PRND: variants seen among roughly 807,000 people sequenced by gnomAD.
PRND encodes the protein prion like protein doppel.
For missense variants in PRND, 227 were observed against 223.3 expected, an observed-to-expected ratio of 1.02 and a Z score of -0.11; for synonymous variants, 94 against 93.2, an observed-to-expected ratio of 1.01 and a Z score of -0.05.
rs907105746 is a variant in PRND, at chr20:4,724,271, C to T, written c.-11-270C>T. Among the ~76,000 whole-genome samples, 1 of 152,070 alleles carries T rather than the reference C, an allele frequency of 6.6e-6. No individual in the cohort carries two copies. Among genetic ancestry groups the T allele is most frequent in the African/African-American group, 2.4e-5 (1 of 41,402 alleles). The stretch of plus-strand genomic sequence containing the variant: ...ACTCCTTTATTTTCCCATGCGTATT[C>T]AAAGCCACTATAATTGCCCTTTGCC... On this transcript the variant is annotated intron_variant, in intron 1 of 1. Coordinates refer to ENST00000305817, the MANE Select transcript of PRND (RefSeq NM_012409.4). This position sits in a 1 kb window ranked among gnomAD's most constrained non-coding sequence, Gnocchi z 4.8.
Position 4,726,136 on chromosome 20 carries a change from A to ATTTTTTTTTTTTTT in PRND, c.*1059_*1072dup, listed in dbSNP as rs58804370. 2 of 120,448 alleles carry ATTTTTTTTTTTTTT rather than the reference A, an allele frequency of 1.7e-5. No individual in the cohort carries two copies. Among genetic ancestry groups the ATTTTTTTTTTTTTT allele is most frequent in the African/African-American group, 6.8e-5 (2 of 29,506 alleles). 7.5% of individuals were successfully genotyped at this position (120,448 alleles called of 1,614,324 possible). ...GGGCCTCCCATAGTGCTGGGATTCA[A>ATTTTTTTTTTTTTT]TTTTTTTTTTTTTTTTTTCAAAAGA... On this transcript the variant is annotated 3_prime_UTR_variant, in exon 2 of 2. Transcript: ENST00000305817.
intron 1 of PRND, among the ~76,000 whole-genome samples, chr20:4,723,129 T>C (rs1490520385): frequency 1.3e-5 from 2 of 152,164 alleles, no homozygotes; most frequent in Non-Finnish European, 2.9e-5. Flanking sequence ...GCACAGTGTG[T>C]GAGCACTGTC....
chr20:4,724,924 A>G lies in PRND; in HGVS notation c.373A>G (p.Asn125Asp). ...CCAGGGGGAGTTCCAGAAGCCAGAC[A>G]ACAAGCTCCACCAGCAGGTGCTCTG... The part of the protein sequence containing the change: ...ANQGEFQKPD[N>D]KLHQQVLWRL... Residue 125 changes from asparagine (N) to aspartate (D), a missense_variant, in exon 2 of 2, where the codon AAC becomes GAC. Asn to Asp is a conservative substitution (Grantham distance 23, BLOSUM62 1). Transcript: ENST00000305817. This position sits in a 1 kb window ranked among gnomAD's most constrained non-coding sequence, Gnocchi z 4.8. The G allele has an allele frequency of 6.2e-7, 1 of 1,614,166 alleles. No individual in the cohort carries two copies. The highest frequency in any genetic ancestry group is 1.7e-5 in the Admixed American group (1 of 60,026).
Position 4,724,733 on chromosome 20 carries a change from A to G in PRND, c.182A>G (p.Lys61Arg), listed in dbSNP as rs1459462505. 6.2e-7 allele frequency: 1 copy of G among 1,614,218 alleles called. No homozygotes were observed. The highest frequency in any genetic ancestry group is 1.3e-5 in the African/African-American group (1 of 75,056). The change falls in exon 2 of 2, where the codon AAG becomes AGG. Residue 61 changes from lysine to arginine, a missense_variant. Coordinates refer to ENST00000305817, the MANE Select transcript of PRND (RefSeq NM_012409.4). This position sits in a 1 kb window ranked among gnomAD's most constrained non-coding sequence, Gnocchi z 4.8. ...VAENRPGAFI[K>R]QGRKLDIDFG... ...GAGAACCGCCCGGGAGCCTTCATCA[A>G]GCAAGGCCGCAAGCTCGACATTGAC... is the stretch of plus-strand genomic sequence containing the variant.
rs1395956955 is a variant in PRND, at chr20:4,722,722, T to C, written c.-12+753T>C. ...AAGCTCCCTGTCAGCCTCCTCCAGC[T>C]CTGGGGCCCCATGGCCTCACAGTAA... On this transcript the variant is annotated intron_variant, in intron 1 of 1. Coordinates refer to ENST00000305817, the MANE Select transcript of PRND (RefSeq NM_012409.4). Among the ~76,000 whole-genome samples the C allele has an allele frequency of 2.0e-5, 3 of 152,186 alleles. No individual in the cohort carries two copies. In the East Asian group the frequency reaches 5.8e-4, roughly 29 times the overall value.
In PRND at chr20:4,725,852, TTTTC is replaced by T. The variant is rs1238761813; in HGVS notation, c.*776_*779del. On this transcript the variant is annotated 3_prime_UTR_variant, in exon 2 of 2. Coordinates refer to ENST00000305817, the MANE Select transcript of PRND (RefSeq NM_012409.4). ...GCAGGATGTGCCTGTGGCATGAAGATTTTCTTTCTCTTTTTTTTTTTTTTTTAGA... is the reference window on the plus strand; with the variant it reads ...GCAGGATGTGCCTGTGGCATGAAGATTTTCTCTTTTTTTTTTTTTTTTAGA... 1.3e-5 allele frequency: 2 copies of T among 154,592 alleles called. No individual in the cohort carries two copies. Among genetic ancestry groups the T allele is most frequent in the Non-Finnish European group, 3.0e-5 (2 of 65,602 alleles). The allele number at this position is 154,592 out of a possible 1,614,324, so 9.6% of individuals were successfully genotyped here.
In PRND at chr20:4,725,519, C is replaced by A. The variant is rs1923237881; in HGVS notation, c.*437C>A. On this transcript the variant is annotated 3_prime_UTR_variant, in exon 2 of 2. Transcript: ENST00000305817. ...AGGATTCAACCCTGGCTTGTCTAAC[C>A]CCAGGTTTTCTGCTCTGTCCAATTC... 2.1e-5 allele frequency: 4 copies of A among 188,198 alleles called. No individual in the cohort carries two copies. The highest frequency in any genetic ancestry group is 5.0e-5 in the Non-Finnish European group (4 of 79,328). 11.7% of individuals were successfully genotyped at this position (188,198 alleles called of 1,614,324 possible).
In PRND at chr20:4,727,215, G is replaced by A. The variant is rs11087655; in HGVS notation, c.*2133G>A. The A allele has an allele frequency of 0.16, 26,621 of 167,062 alleles. 2,462 individuals carry two copies. The highest frequency in any genetic ancestry group is 0.33 in the East Asian group (1,688 of 5,186). 10.3% of individuals were successfully genotyped at this position (167,062 alleles called of 1,614,324 possible). ...GTGAAAACGCTTAGGCCATGATGTC[G>A]TTCATTTTCTGTAATTGCTGCCTTT... On this transcript the variant is annotated 3_prime_UTR_variant, in exon 2 of 2. Coordinates refer to ENST00000305817, the MANE Select transcript of PRND (RefSeq NM_012409.4).
At chr20:4,722,715 C>T (rs1339603650) in intron 1 of PRND, among the ~76,000 whole-genome samples, 2 of 152,142 alleles carry the variant, frequency 1.3e-5, no homozygotes, top group Non-Finnish European at 2.9e-5. Flanking sequence ...TGTCAGCCTC[C>T]TCCAGCTCTG....
Position 4,724,400 on chromosome 20 carries a change from TG to T in PRND, c.-11-137del. On this transcript the variant is annotated intron_variant, in intron 1 of 1. Coordinates refer to ENST00000305817, the MANE Select transcript of PRND (RefSeq NM_012409.4). The surrounding 1 kb of genome is among the most constrained non-coding windows in gnomAD (Gnocchi z 4.8). The stretch of plus-strand genomic sequence containing the variant: ...GAGTTAACCCTGCACAACCCAAACA[TG>T]GGGAAACAATTATGCTTTTGAGACC... The T allele has an allele frequency of 9.0e-7, 1 of 1,110,954 alleles. No homozygotes were observed. The highest frequency in any genetic ancestry group is 1.3e-6 in the Non-Finnish European group (1 of 752,694). 68.8% of individuals were successfully genotyped at this position (1,110,954 alleles called of 1,614,324 possible).
intron 1 of PRND, among the ~76,000 whole-genome samples, chr20:4,722,185 T>C (rs985921301): frequency 1.3e-5 from 2 of 152,204 alleles, no homozygotes; most frequent in Non-Finnish European, 2.9e-5. Flanking sequence ...GGGTTGGGAT[T>C]TTGTTTTGCC....
chr20:4,722,912 C>A (rs1456101708), intron 1 of PRND, among the ~76,000 whole-genome samples: 2 of 151,620 alleles, frequency 1.3e-5, no homozygotes, highest in Non-Finnish European at 2.9e-5. Context: ...ATGTGACAGG[C>A]AACCTTAAGG....
In PRND at chr20:4,725,050, C is replaced by T; in HGVS notation, c.499C>T (p.Leu167Phe). 1 of 1,613,464 alleles carries T rather than the reference C, an allele frequency of 6.2e-7. No homozygotes were observed. The highest frequency in any genetic ancestry group is 8.5e-7 in the Non-Finnish European group (1 of 1,179,956). Residue 167 changes from leucine to phenylalanine, a missense_variant, in exon 2 of 2, where the codon CTT (leucine) becomes TTT (phenylalanine). Leu to Phe is a conservative substitution (Grantham distance 22). Coordinates refer to ENST00000305817, the MANE Select transcript of PRND (RefSeq NM_012409.4). Reference protein sequence around the residue: ...VTMHQPVLLCLLALIWLTVK With the variant: ...VTMHQPVLLCFLALIWLTVK Reference sequence around the variant, plus strand: ...CATGCACCAGCCAGTGCTCCTCTGCCTTCTGGCTTTGATCTGGCTCACGGT... The same window carrying T: ...CATGCACCAGCCAGTGCTCCTCTGCTTTCTGGCTTTGATCTGGCTCACGGT...
chr20:4,726,927 T>C lies in PRND; in HGVS notation c.*1845T>C, dbSNP rs1386997156. On this transcript the variant is annotated 3_prime_UTR_variant, in exon 2 of 2. Transcript: ENST00000305817. The stretch of plus-strand genomic sequence containing the variant: ...GAGACGTCCACCCTGCAGCCAGGAC[T>C]GGGGTTCACGTCACTGCCAGAGCTA... The C allele has an allele frequency of 1.2e-5, 2 of 167,056 alleles. No individual in the cohort carries two copies. The highest frequency in any genetic ancestry group is 4.8e-5 in the African/African-American group (2 of 41,418). The allele number at this position is 167,056 out of a possible 1,614,324, so 10.3% of individuals were successfully genotyped here. A position where few individuals can be genotyped will look rare whatever the true frequency, so the allele number is the denominator to read the frequency against.
rs972077718 is a variant in PRND at position 4,724,637 on chromosome 20, T to C, written c.86T>C (p.Ile29Thr). ...SHLSAVQTRG[I>T]KHRIKWNRKA... ...CTCTCTGCGGTCCAGACGAGGGGCA[T>C]CAAGCACAGAATCAAGTGGAACCGG... Residue 29 changes from isoleucine to threonine, a missense_variant, in exon 2 of 2, where the codon ATC (isoleucine) becomes ACC (threonine). Physicochemically the swap from Ile to Thr is moderately conservative, Grantham distance 89. Transcript: ENST00000305817. The surrounding 1 kb of genome is among the most constrained non-coding windows in gnomAD (Gnocchi z 4.8). The C allele has an allele frequency of 2.5e-6, 4 of 1,614,054 alleles. No homozygotes were observed. The African/African-American group carries it at 5.3e-5, about 22-fold the overall frequency.
chr20:4,723,685 G>A (rs914728214), intron 1 of PRND, among the ~76,000 whole-genome samples: 14 of 152,174 alleles, frequency 9.2e-5, no homozygotes, highest in South Asian at 2.1e-4. Flanking sequence ...ACAGTGGCTC[G>A]TGCCTGTAAT....
rs753951663 is a variant in PRND, at chr20:4,722,207, G to A, written c.-12+238G>A. ...GATTTTGTTTTGCCTTTAAGCTTCT[G>A]CCTATGAAAACTAATCTCTTTCTCA... On this transcript the variant is annotated intron_variant, in intron 1 of 1. Coordinates refer to ENST00000305817, the MANE Select transcript of PRND (RefSeq NM_012409.4). 7.2e-5 allele frequency among the ~76,000 whole-genome samples: 11 copies of A among 152,016 alleles called. 1 individual carries two copies. In the South Asian group the frequency reaches 1.9e-3, roughly 26 times the overall value.
At position 4,726,034 on chromosome 20, in the gene PRND, A is replaced by G. The variant is rs946941706; in HGVS notation, c.*952A>G. ...TGCCATCATGCCTGACTAATTTTGT[A>G]TTTTTAGTAGAGACAGGGTTTCACC... On this transcript the variant is annotated 3_prime_UTR_variant, in exon 2 of 2. Coordinates refer to ENST00000305817, the MANE Select transcript of PRND (RefSeq NM_012409.4). 5.9e-5 allele frequency: 9 copies of G among 152,250 alleles called. No homozygotes were observed. Among genetic ancestry groups the G allele is most frequent in the African/African-American group, 1.7e-4 (7 of 40,524 alleles). The allele number at this position is 152,250 out of a possible 1,614,324, so 9.4% of individuals were successfully genotyped here. A position where few individuals can be genotyped will look rare whatever the true frequency, so the allele number is the denominator to read the frequency against.
Position 4,724,457 on chromosome 20 carries a change from C to T in PRND, c.-11-84C>T. ...AATAGCACAAGGATGCGATTCCTTC[C>T]TTAAAATCTCCTGCACTTGGGAGGG... On this transcript the variant is annotated intron_variant, in intron 1 of 1. Transcript: ENST00000305817. This position sits in a 1 kb window ranked among gnomAD's most constrained non-coding sequence, Gnocchi z 4.8. 1.3e-6 allele frequency: 2 copies of T among 1,538,124 alleles called. No individual in the cohort carries two copies. Among genetic ancestry groups the T allele is most frequent in the Non-Finnish European group, 1.8e-6 (2 of 1,114,676 alleles).
Sources: allele counts gnomAD v4.1 joint callset (sites outside exome capture counted in the v4.1 genomes callset), GRCh38; gene constraint gnomAD v4.1.1; non-coding constraint Gnocchi (gnomAD v3.1); transcripts MANE v1.5; gene names NCBI Gene and HGNC (gene_info 2026-07-23, HGNC 2026-07-21).